The following RBFOX1 variants were observed in gnomAD, a reference collection of about 807,000 sequenced individuals.
RBFOX1 encodes the protein RNA binding fox-1 homolog 1.
RBFOX1 carries 8 observed loss-of-function variants against 57.7 expected under a neutral mutation model. The observed-to-expected ratio is 0.14, with a 90% CI of 0.08 to 0.25. The LOEUF (loss-of-function observed/expected upper bound fraction) is 0.25. RBFOX1 is among the 10% of genes least tolerant of loss of function. The pLI is 1.00. For missense variants in RBFOX1, 611 were observed against 548.5 expected, an observed-to-expected ratio of 1.11 and a Z score of -1.14; for synonymous variants, 326 against 222.4, an observed-to-expected ratio of 1.47 and a Z score of -4.15.
At chr16:6,748,347 A>ATATG (rs957120081) in intron 3 of RBFOX1, among the ~76,000 whole-genome samples, 2 of 152,072 alleles carry the variant, frequency 1.3e-5, no homozygotes, top group African/African-American at 2.4e-5. Context: ...AACTATATAC[A>ATATG]TATGTATGTA....
At chr16:6,191,065 C>T (rs1337439158) in intron 1 of RBFOX1, among the ~76,000 whole-genome samples, 2 of 151,416 alleles carry the variant, frequency 1.3e-5, no homozygotes, top group South Asian at 2.1e-4. Flanking sequence ...TGCTTTCTGT[C>T]ATTAATCAGT....
intron 3 of RBFOX1, among the ~76,000 whole-genome samples, chr16:6,966,741 C>T (rs2084257606): frequency 6.6e-6 from 1 of 151,900 alleles, no homozygotes; most frequent in African/African-American, 2.4e-5. Context: ...GTAACTCTGC[C>T]TGCCTCTATC....
intron 3 of RBFOX1, among the ~76,000 whole-genome samples, chr16:5,624,370 C>T (rs996502019): frequency 2.4e-4 from 37 of 152,120 alleles, no homozygotes; most frequent in Admixed American, 4.6e-4. Flanking sequence ...AATTTTTTTT[C>T]TTATTTTTAG....
At chr16:5,984,694 A>C (rs570383700) in intron 4 of RBFOX1, among the ~76,000 whole-genome samples, 57 of 152,120 alleles carry the variant, frequency 3.7e-4, no homozygotes, top group African/African-American at 1.3e-3. Flanking sequence ...ATCGTTAGGG[A>C]ATGTTGTCAT....
At position 7,053,320 on chromosome 16, in the gene RBFOX1, C is replaced by T. The variant is rs569880555; in HGVS notation, c.27+1222C>T. On this transcript the variant is annotated intron_variant, in intron 4 of 15. Transcript: ENST00000550418. ...CCCACTTTCCTCCAAGTACCTGTGC[C>T]GACATTCGTTGTGACCCTTTCCTTC... Among the ~76,000 whole-genome samples, 18 of 152,240 alleles carry T rather than the reference C, an allele frequency of 1.2e-4. No individual in the cohort carries two copies. The South Asian group carries it at 3.5e-3, about 30-fold the overall frequency.
intron 4 of RBFOX1, among the ~76,000 whole-genome samples, chr16:7,372,300 G>A (rs1048856760): frequency 1.3e-5 from 2 of 152,128 alleles, no homozygotes; most frequent in Non-Finnish European, 2.9e-5. Flanking sequence ...GGATCATGTC[G>A]GTACTAGCAG....
chr16:5,436,971 C>T (rs1296209128), intron 1 of RBFOX1, among the ~76,000 whole-genome samples: 1 of 152,132 alleles, frequency 6.6e-6, no homozygotes, highest in Admixed American at 6.5e-5. Context: ...TTGATTTGTA[C>T]CTGCCCCCAT....
At chr16:6,580,908 C>CT (rs5815330) in intron 2 of RBFOX1, among the ~76,000 whole-genome samples, 1,572 of 142,472 alleles carry the variant, frequency 0.011, 17 homozygotes, top group South Asian at 0.026. Context: ...TTTGGGCTTG[C>CT]TTTTTTTTTT....
chr16:6,634,818 A>G (rs1335455443), intron 2 of RBFOX1, among the ~76,000 whole-genome samples: 1 of 140,062 alleles, frequency 7.1e-6, no homozygotes, highest in Non-Finnish European at 1.5e-5. Context: ...TATATATAAT[A>G]CAAAGATATA....
At chr16:5,415,102 C>T (rs1020901694) in intron 1 of RBFOX1, among the ~76,000 whole-genome samples, 5 of 152,164 alleles carry the variant, frequency 3.3e-5, no homozygotes, top group African/African-American at 9.7e-5. Flanking sequence ...TGTCTAATCA[C>T]ACCGTGTATT....
chr16:5,596,934 C>T (rs2047201942), intron 2 of RBFOX1, among the ~76,000 whole-genome samples: 1 of 152,328 alleles, frequency 6.6e-6, no homozygotes, highest in African/African-American at 2.4e-5. Context: ...GGACCATTCT[C>T]TGTGTTGAGG....
intron 3 of RBFOX1, among the ~76,000 whole-genome samples, chr16:5,775,000 A>T (rs1057229661): frequency 6.6e-6 from 1 of 152,170 alleles, no homozygotes; most frequent in African/African-American, 2.4e-5. Flanking sequence ...TTTAAAATCA[A>T]TTTTAAGAAT....
chr16:7,087,027 C>G (rs1227652597), intron 4 of RBFOX1, among the ~76,000 whole-genome samples: 1 of 152,156 alleles, frequency 6.6e-6, no homozygotes. Flanking sequence ...TCTGAGCCCG[C>G]AATGACACCG....
chr16:5,250,302 A>T lies in RBFOX1; in HGVS notation c.219+10197A>T, dbSNP rs893693020. On this transcript the variant is annotated intron_variant, in intron 1 of 2. Coordinates refer to the RBFOX1 transcript ENST00000585867. ...TTAAGTTCTGGGATACATGTGCAGA[A>T]TGTGCAGGTTTGTTACATAGGTATA... is the stretch of plus-strand genomic sequence containing the variant. 6.8e-5 allele frequency among the ~76,000 whole-genome samples: 9 copies of T among 132,086 alleles called. 1 individual carries two copies. Among genetic ancestry groups the T allele is most frequent in the Non-Finnish European group, 1.0e-4 (6 of 60,042 alleles). The allele number at this position is 132,086 out of a possible 152,430, so 86.7% of individuals were successfully genotyped here.
At chr16:6,203,524 G>A (rs1424632806) in intron 1 of RBFOX1, among the ~76,000 whole-genome samples, 1 of 152,054 alleles carries the variant, frequency 6.6e-6, no homozygotes, top group Non-Finnish European at 1.5e-5. Flanking sequence ...ATTGGCTATT[G>A]TGAATAGCGG....
chr16:6,874,286 G>A (rs9937198), intron 3 of RBFOX1, among the ~76,000 whole-genome samples: 46,073 of 151,712 alleles, frequency 0.3, 9,172 homozygotes, highest in African/African-American at 0.56. Flanking sequence ...GAGGCAGGTG[G>A]ATAATCTGAG....
chr16:7,081,300 G>A (rs1484358399), intron 4 of RBFOX1, among the ~76,000 whole-genome samples: 4 of 152,208 alleles, frequency 2.6e-5, no homozygotes, highest in Non-Finnish European at 4.4e-5. Flanking sequence ...CTCCCAAAGT[G>A]CTGGGATTAT....
intron 1 of RBFOX1, among the ~76,000 whole-genome samples, chr16:6,293,920 T>C (rs2077769076): frequency 7.7e-6 from 1 of 130,116 alleles, no homozygotes; most frequent in African/African-American, 2.8e-5. Context: ...AATAGACGAA[T>C]TGCAGGAATT....
chr16:5,274,292 G>A (rs1211351078), intron 1 of RBFOX1, among the ~76,000 whole-genome samples: 1 of 152,184 alleles, frequency 6.6e-6, no homozygotes, highest in Non-Finnish European at 1.5e-5. Flanking sequence ...CCTTTGGGAG[G>A]CCGAGGTGGG....
Sources: allele counts gnomAD v4.1 joint callset (sites outside exome capture counted in the v4.1 genomes callset), GRCh38; gene constraint gnomAD v4.1.1; transcripts MANE v1.5; gene names NCBI Gene and HGNC (gene_info 2026-07-23, HGNC 2026-07-21).